The following COL4A4 variants were observed in gnomAD, a reference collection of about 807,000 sequenced individuals.
COL4A4 encodes collagen type IV alpha 4 chain.
COL4A4 carries 105 observed loss-of-function variants against 192.9 expected under a neutral mutation model. That is an observed-to-expected ratio of 0.54 (90% confidence interval 0.46 to 0.64). The LOEUF is 0.64. Among genes scored for constraint, COL4A4 ranks in the 30% least tolerant of loss-of-function variants. The pLI is 0.00. For synonymous variants in COL4A4, 762 were observed against 769.9 expected, an observed-to-expected ratio of 0.99 and a Z score of 0.17; for missense variants, 1,967 against 2,169.3, an observed-to-expected ratio of 0.91 and a Z score of 1.85.
At chr2:227,014,187 C>G (rs1006556250) in intron 44 of COL4A4, among the ~76,000 whole-genome samples, 3 of 152,180 alleles carry the variant, frequency 2.0e-5, no homozygotes, top group Admixed American at 6.5e-5. Flanking sequence ...ATAGGAAACA[C>G]AGGGCTAAAC....
rs767194693 is a variant in COL4A4, at chr2:227,054,732, G to A, written c.2722C>T (p.Arg908Trp). 2.5e-5 allele frequency: 40 copies of A among 1,613,778 alleles called. No homozygotes were observed. In the Admixed American group the frequency reaches 2.5e-4, roughly 10 times the overall value. The change falls in exon 31 of 48, where the codon CGG becomes TGG. Residue 908 changes from arginine to tryptophan, a missense_variant. Coordinates refer to ENST00000396625, the MANE Select transcript of COL4A4 (RefSeq NM_000092.5). The part of the protein sequence containing the change: ...LPGPPGPKGP[R>W]GLPGFPGFPG... ...AAACCTGGGAAACCAGGCAGCCCCC[G>A]GGGTCCTGGTGAAATGAGAGCATAA...
At position 227,010,505 on chromosome 2, in the gene COL4A4, G is replaced by A; in HGVS notation, c.4334-4C>T. On this transcript the variant is annotated splice_region_variant and splice_polypyrimidine_tract_variant and intron_variant, in intron 45 of 47. Coordinates refer to ENST00000396625, the MANE Select transcript of COL4A4 (RefSeq NM_000092.5). ...TCCCCAATGGGACCAGGAGGCCCTG[G>A]AGGAACAAAGGAAAAAAATTGAAGG... The A allele has an allele frequency of 6.4e-7, 1 of 1,552,110 alleles. No homozygotes were observed. Among genetic ancestry groups the A allele is most frequent in the Non-Finnish European group, 8.7e-7 (1 of 1,153,526 alleles).
At chr2:226,993,339 C>G in the COL4A4 span, among the ~76,000 whole-genome samples, 2 of 152,330 alleles carry the variant, frequency 1.3e-5, no homozygotes, top group South Asian at 4.1e-4. Context: ...GCTTCTGACT[C>G]TGCCCTCAGC....
intron 19 of COL4A4, among the ~76,000 whole-genome samples, 197 bp downstream of exon 19, chr2:227,098,497 C>T (rs781749753): frequency 1.1e-4 from 16 of 152,138 alleles, no homozygotes; most frequent in Non-Finnish European, 1.8e-4. Flanking sequence ...GACACAGGAG[C>T]GCTTCTACAG....
At chr2:227,131,348 G>A (rs2062453921) in intron 4 of COL4A4, among the ~76,000 whole-genome samples, 1 of 151,814 alleles carries the variant, frequency 6.6e-6, no homozygotes, top group African/African-American at 2.4e-5. Flanking sequence ...GTAGAGACAG[G>A]TTTTCGCCAT....
chr2:227,138,134 A>C (rs1032643556), intron 4 of COL4A4, among the ~76,000 whole-genome samples: 2 of 38,344 alleles, frequency 5.2e-5, no homozygotes, highest in African/African-American at 3.7e-4. Context: ...CACCTCTACA[A>C]ATAATAATAA....
chr2:227,114,664 A>G lies in COL4A4; in HGVS notation c.522T>C (p.Asn174=), dbSNP rs2124925418. The change falls in exon 8 of 48, where the codon AAT becomes AAC. Residue 174 remains asparagine (N), a synonymous_variant. Transcript: ENST00000396625. ...TAACGGCACCTAAAATGAACACTGA[A>G]TTTCCTTTTTCTCCCTTTTCCCCAG... ...GHPGEKGEKG[N]SVFILGAVKG... is the part of the protein sequence containing the mutation. 6.2e-7 allele frequency: 1 copy of G among 1,614,040 alleles called. No homozygotes were observed. Among genetic ancestry groups the G allele is most frequent in the Non-Finnish European group, 8.5e-7 (1 of 1,179,888 alleles).
At chr2:227,060,791 A>G (rs561986201) in intron 26 of COL4A4, among the ~76,000 whole-genome samples, 11 of 148,546 alleles carry the variant, frequency 7.4e-5, no homozygotes, top group Non-Finnish European at 1.3e-4. Context: ...GCAGTGACGC[A>G]GTCTCGGCTC....
In COL4A4 at chr2:227,052,336, A is replaced by C. The variant is rs1373532106; in HGVS notation, c.2937T>G (p.Pro979=). 6.2e-7 allele frequency: 1 copy of C among 1,611,668 alleles called. No homozygotes were observed. The highest frequency in any genetic ancestry group is 1.3e-5 in the African/African-American group (1 of 74,898). The change falls in exon 32 of 48, where the codon CCT becomes CCG. Residue 979 remains proline, a synonymous_variant. Transcript: ENST00000396625. The stretch of plus-strand genomic sequence containing the variant: ...CTCCTGGGAATCCATCATCTCCAGG[A>C]GGTCCAGGTTCCCCAGGTGTTCCCT... ...SQKGTPGEPG[P]PGDDGFPGER... is the part of the protein sequence containing the mutation.
chr2:226,987,882 A>G, the COL4A4 span, among the ~76,000 whole-genome samples: 2 of 152,174 alleles, frequency 1.3e-5, no homozygotes, highest in African/African-American at 2.4e-5. Context: ...AGGGGATCCA[A>G]TAATCTGCAT....
rs1434621424 is a variant in COL4A4 at position 227,045,789 on chromosome 2, TATATATATACAC to T, written c.3289+1674_3289+1685del. On this transcript the variant is annotated intron_variant, in intron 35 of 47. Transcript: ENST00000396625. ...ATCTCAAAAAAAAAAAATACATATA[TATATATATACAC>T]ATATATATATATATACACATATATA... Among the ~76,000 whole-genome samples, 792 of 85,742 alleles carry T rather than the reference TATATATATACAC, an allele frequency of 9.2e-3. 125 individuals are homozygous for T. Among genetic ancestry groups the T allele is most frequent in the African/African-American group, 0.031 (497 of 15,964 alleles). The allele number at this position is 85,742 out of a possible 152,430, so 56.3% of individuals were successfully genotyped here. A position where few individuals can be genotyped will look rare whatever the true frequency, so the allele number is the denominator to read the frequency against.
rs1338343226 is a variant in COL4A4, at chr2:227,038,235, A to AT, written c.3505+3912dup. On this transcript the variant is annotated intron_variant, in intron 37 of 47. Coordinates refer to ENST00000396625, the MANE Select transcript of COL4A4 (RefSeq NM_000092.5). ...TAAGTGTTTAATCCGTCTTGAGTTA[A>AT]TTTTTGTATAAGGTGTAAGGAAGGG... Among the ~76,000 whole-genome samples the AT allele has an allele frequency of 5.3e-5, 8 of 152,276 alleles. No homozygotes were observed. The East Asian group carries it at 1.5e-3, about 29-fold the overall frequency.
At chr2:227,050,257 T>C (rs1973794450) in intron 33 of COL4A4, 126 bp from the exon 34 acceptor site, 2 of 811,520 alleles carry the variant, frequency 2.5e-6, no homozygotes, top group Non-Finnish European at 4.3e-6. Context: ...GTAACGAAAG[T>C]TTAAATGCAT....
chr2:227,046,590 T>C (rs1045181121), intron 35 of COL4A4, among the ~76,000 whole-genome samples: 2 of 152,104 alleles, frequency 1.3e-5, no homozygotes, highest in South Asian at 2.1e-4. Flanking sequence ...ATATTTTAAA[T>C]ATTGGTGCAT....
chr2:227,026,357 G>A (rs1157331838), intron 42 of COL4A4, among the ~76,000 whole-genome samples: 2 of 152,034 alleles, frequency 1.3e-5, no homozygotes, highest in Admixed American at 1.3e-4. Flanking sequence ...AATTAGCTGC[G>A]TGAGGTGGCG....
intron 26 of COL4A4, 119 bp from the exon 27 acceptor site, chr2:227,060,362 G>A: frequency 6.9e-6 from 5 of 720,324 alleles, no homozygotes; most frequent in East Asian, 5.3e-5. Context: ...CTTTATGGAA[G>A]TAAGGATGTT....
At chr2:227,162,340 T>C (rs2064902190) in intron 1 of COL4A4, among the ~76,000 whole-genome samples, 1 of 152,252 alleles carries the variant, frequency 6.6e-6, no homozygotes, top group African/African-American at 2.4e-5. Context: ...AGGAATCTTC[T>C]GGAATTTGGC....
In COL4A4 at chr2:227,080,529, GA is replaced by G. The variant is rs772659513; in HGVS notation, c.1716del (p.Pro573LeufsTer80). ...CCTGGAAATCCTGGGGGCCCATCAG[GA>G]CCTCTTTCTCCTTTGTGCCCTGGAA... ...SRVKGHKGERGPDGPPGFPGQ... is the reference protein window; with the variant it reads ...SRVKGHKGERXPDGPPGFPGQ... On this transcript the variant is annotated frameshift_variant, in exon 24 of 48. Coordinates refer to ENST00000396625, the MANE Select transcript of COL4A4 (RefSeq NM_000092.5). LOFTEE classifies it high-confidence loss of function. 1 of 1,613,934 alleles carries G rather than the reference GA, an allele frequency of 6.2e-7. No individual in the cohort carries two copies. The highest frequency in any genetic ancestry group is 8.5e-7 in the Non-Finnish European group (1 of 1,180,014).
intron 25 of COL4A4, among the ~76,000 whole-genome samples, chr2:227,072,125 A>G (rs1303463821): frequency 6.6e-6 from 1 of 152,100 alleles, no homozygotes; most frequent in Non-Finnish European, 1.5e-5. Context: ...CGTTTCCTTG[A>G]AAAAATAAAC....
Sources: gnomAD v4.1 joint callset for allele counts (sites outside exome capture counted in the v4.1 genomes callset) on GRCh38, gnomAD v4.1.1 for gene constraint, MANE v1.5 for transcripts, NCBI Gene and HGNC (gene_info 2026-07-23, HGNC 2026-07-21) for gene names.